The following METTL22 variants were observed in gnomAD, a reference collection of about 807,000 sequenced individuals.
The protein encoded by METTL22 is methyltransferase 22, Kin17 lysine.
A neutral mutation model predicts 48.4 loss-of-function variants in METTL22; 51 were observed. The ratio of observed to expected loss-of-function variants is 1.05; its 90% confidence interval spans 0.84 to 1.33. METTL22 has a LOEUF of 1.33. Ranked by LOEUF, METTL22 falls within the 40% of genes most tolerant of loss-of-function variation. The pLI, the probability that METTL22 is intolerant of heterozygous loss-of-function variation, is 0.00. For synonymous variants in METTL22, 255 were observed against 214.1 expected (o/e 1.19, Z -1.67); for missense variants, 678 against 526.9 (o/e 1.29, Z -2.81).
At chr16:8,645,895 TTCA>T (rs1208921110) in intron 10 of METTL22, 4 of 928,146 alleles carry the variant, frequency 4.3e-6, no homozygotes, top group Non-Finnish European at 4.9e-6. Flanking sequence ...ATGCTGGGAC[TTCA>T]TCCATCCAGC....
intron 8 of METTL22, 90 bp downstream of exon 8, chr16:8,642,297 T>C (rs992283433): frequency 3.0e-6 from 4 of 1,321,574 alleles, no homozygotes; most frequent in Non-Finnish European, 4.4e-6. Context: ...GAGTTCAGTT[T>C]TAGAAGTGAC....
chr16:8,641,026 G>C, intron 6 of METTL22, 105 bp from the exon 7 acceptor site: 1 of 1,042,674 alleles, frequency 9.6e-7, no homozygotes, highest in Non-Finnish European at 1.4e-6. Flanking sequence ...GAGAGCAAGG[G>C]TGGGTGGGTG....
rs1300551958 is a variant in METTL22 at position 8,641,097 on chromosome 16, G to C, written c.773-34G>C. 3 of 1,604,958 alleles carry C rather than the reference G, an allele frequency of 1.9e-6. No individual in the cohort carries two copies. The South Asian group carries it at 3.3e-5, about 18-fold the overall frequency. On this transcript the variant is annotated intron_variant, in intron 6 of 10. Coordinates refer to ENST00000381920, the MANE Select transcript of METTL22 (RefSeq NM_024109.4). ...TCTTTTTTTCCTGATGATGTTTAGA[G>C]TTTGGAAAGTTCTCTTTTTGTTTGT...
intron 8 of METTL22, 103 bp from the exon 9 acceptor site, chr16:8,642,360 T>C: frequency 7.7e-7 from 1 of 1,290,694 alleles, no homozygotes; most frequent in Non-Finnish European, 1.1e-6. Context: ...GCTGCTGCTG[T>C]TCCGTGGTGA....
In METTL22 at chr16:8,646,416, C is replaced by G; in HGVS notation, c.*273C>G. 1.5e-6 allele frequency: 1 copy of G among 670,120 alleles called. No individual in the cohort carries two copies. Among genetic ancestry groups the G allele is most frequent in the Non-Finnish European group, 2.7e-6 (1 of 364,568 alleles). The allele number at this position is 670,120 out of a possible 1,614,324, so 41.5% of individuals were successfully genotyped here. A position where few individuals can be genotyped will look rare whatever the true frequency, so the allele number is the denominator to read the frequency against. The stretch of plus-strand genomic sequence containing the variant: ...AGGGTCAAGCCGAGCCACGTTCCTT[C>G]TCAGCTCAGTTCCACCCACGTCAGT... On this transcript the variant is annotated 3_prime_UTR_variant, in exon 11 of 11. Transcript: ENST00000381920.
chr16:8,665,269 G>A, the METTL22 span, among the ~76,000 whole-genome samples: 1 of 152,216 alleles, frequency 6.6e-6, no homozygotes, highest in African/African-American at 2.4e-5. Flanking sequence ...CCGCACTGCA[G>A]CCTGGGTGAT....
Position 8,641,136 on chromosome 16 carries a change from A to G in METTL22, c.778A>G (p.Ile260Val), listed in dbSNP as rs745752350. 3.1e-6 allele frequency: 5 copies of G among 1,613,884 alleles called. No individual in the cohort carries two copies. The highest frequency in any genetic ancestry group is 2.2e-5 in the East Asian group (1 of 44,878). ...CTTTTTGTTTGTTTTTACAGGTGGT[A>G]TAGTTAGGGTCAAAGAACTGGACTG... ...NSHLAATGGG[I>V]VRVKELDWLK... is the part of the protein sequence containing the mutation. Residue 260 changes from isoleucine to valine, a missense_variant, in exon 7 of 11, where the codon ATA becomes GTA. Coordinates refer to ENST00000381920, the MANE Select transcript of METTL22 (RefSeq NM_024109.4).
At chr16:8,641,067 G>GT in intron 6 of METTL22, 64 bp from the exon 7 acceptor site, 1 of 1,511,860 alleles carries the variant, frequency 6.6e-7, no homozygotes, top group Non-Finnish European at 9.2e-7. Flanking sequence ...TAGTGTAAAA[G>GT]TTTATCTTTT....
chr16:8,643,999 A>C (rs374179807), intron 9 of METTL22, among the ~76,000 whole-genome samples: 1 of 152,238 alleles, frequency 6.6e-6, no homozygotes, highest in Non-Finnish European at 1.5e-5. Flanking sequence ...AAAGAGCTTT[A>C]ATTTCAAGTG....
At chr16:8,666,915 T>C in the METTL22 span, 2 of 152,082 alleles carry the variant, frequency 1.3e-5, no homozygotes, top group African/African-American at 4.8e-5. Flanking sequence ...GCCTCCCTAG[T>C]AGCTAGGATT....
chr16:8,629,699 G>T (rs1163464512), intron 3 of METTL22, among the ~76,000 whole-genome samples: 2 of 152,176 alleles, frequency 1.3e-5, no homozygotes, highest in Admixed American at 6.5e-5. Flanking sequence ...GATACTCAGA[G>T]GTGGGATCAA....
downstream of METTL22, among the ~76,000 whole-genome samples, chr16:8,651,121 C>T (rs1181077950): frequency 6.6e-6 from 1 of 152,078 alleles, no homozygotes; most frequent in Non-Finnish European, 1.5e-5. Context: ...GGCGCAGTGG[C>T]TCATACCTGT....
At chr16:8,654,708 G>C in the METTL22 span, among the ~76,000 whole-genome samples, 269 of 152,274 alleles carry the variant, frequency 1.8e-3, 5 homozygotes, top group East Asian at 0.044. Flanking sequence ...CATCCCTTGG[G>C]TGGGTCTGGG....
At chr16:8,659,907 G>A in the METTL22 span, among the ~76,000 whole-genome samples, 2 of 151,920 alleles carry the variant, frequency 1.3e-5, no homozygotes, top group African/African-American at 4.8e-5. Context: ...TGTATTTCTT[G>A]TAGAGACGGG....
At chr16:8,642,648 C>A in intron 9 of METTL22, 83 bp downstream of exon 9, 3 of 1,269,536 alleles carry the variant, frequency 2.4e-6, no homozygotes, top group South Asian at 2.4e-5. Flanking sequence ...TTGTCAGTGT[C>A]ATTATGATTG....
At chr16:8,659,030 A>G in the METTL22 span, among the ~76,000 whole-genome samples, 1 of 151,926 alleles carries the variant, frequency 6.6e-6, no homozygotes, top group Admixed American at 6.6e-5. Context: ...CAGCCCATTT[A>G]AAACTTGGTG....
the METTL22 span, among the ~76,000 whole-genome samples, chr16:8,665,260 C>T: frequency 8.7e-3 from 1,322 of 152,174 alleles, 23 homozygotes; most frequent in African/African-American, 0.03. Context: ...GAGCCAAGAC[C>T]GCACTGCAGC....
At chr16:8,656,820 C>T in the METTL22 span, among the ~76,000 whole-genome samples, 5 of 152,362 alleles carry the variant, frequency 3.3e-5, no homozygotes, top group African/African-American at 1.2e-4. Context: ...CTGGGAGGTC[C>T]AAGAGCTAAA....
At position 8,647,043 on chromosome 16, in the gene METTL22, C is replaced by CT; in HGVS notation, c.*900_*901insT. 4 of 285,862 alleles carry CT rather than the reference C, an allele frequency of 1.4e-5. No homozygotes were observed. Among genetic ancestry groups the CT allele is most frequent in the South Asian group, 1.3e-4 (4 of 29,820 alleles). The allele number at this position is 285,862 out of a possible 1,614,324, so 17.7% of individuals were successfully genotyped here. A position where few individuals can be genotyped will look rare whatever the true frequency, so the allele number is the denominator to read the frequency against. ...CCCCTTTCCCCTGCCTTGCTGCTGC[C>CT]GCACACTTTGCACCAGGGCCTTTCA... On this transcript the variant is annotated 3_prime_UTR_variant, in exon 11 of 11. Coordinates refer to ENST00000381920, the MANE Select transcript of METTL22 (RefSeq NM_024109.4).
Sources: gnomAD v4.1 joint callset for allele counts (sites outside exome capture counted in the v4.1 genomes callset) on GRCh38, gnomAD v4.1.1 for gene constraint, MANE v1.5 for transcripts, NCBI Gene and HGNC (gene_info 2026-07-23, HGNC 2026-07-21) for gene names.